NEK10: variants seen among roughly 807,000 people sequenced by gnomAD.
NEK10 encodes serine/threonine-protein kinase Nek10.
In NEK10, 122 loss-of-function variants were observed where a neutral mutation model predicts 159.8. That is an observed-to-expected ratio of 0.76 (90% confidence interval 0.66 to 0.89). The LOEUF (loss-of-function observed/expected upper bound fraction) is 0.89. Among genes scored for constraint, NEK10 ranks in the 40% least tolerant of loss-of-function variants. The probability of loss-of-function intolerance (pLI) is 0.00; values close to 1 mark genes in which losing one functional copy is unlikely to be tolerated. For missense variants in NEK10, 1,342 were observed against 1,323.1 expected (o/e 1.01, Z -0.22); for synonymous variants, 466 against 457.1 (o/e 1.02, Z -0.25).
At chr3:27,238,696 C>T (rs1489848021) in intron 23 of NEK10, among the ~76,000 whole-genome samples, 2 of 150,782 alleles carry the variant, frequency 1.3e-5, no homozygotes, top group African/African-American at 4.9e-5. Context: ...TCAACAAATA[C>T]ATTACTGTAT....
intron 5 of NEK10, among the ~76,000 whole-genome samples, chr3:27,328,571 G>C (rs890672832): frequency 1.3e-5 from 2 of 152,192 alleles, no homozygotes; most frequent in African/African-American, 4.8e-5. Flanking sequence ...CAAAGATAGA[G>C]CAATAGGGAT....
At chr3:27,207,442 A>G (rs991699332) in intron 23 of NEK10, among the ~76,000 whole-genome samples, 1 of 152,220 alleles carries the variant, frequency 6.6e-6, no homozygotes. Flanking sequence ...AGATGTCATA[A>G]AAGAAAATGT....
At chr3:27,218,176 C>G (rs936446201) in intron 23 of NEK10, among the ~76,000 whole-genome samples, 2 of 152,316 alleles carry the variant, frequency 1.3e-5, no homozygotes, top group Admixed American at 6.5e-5. Flanking sequence ...AGGAGCAGGA[C>G]AGTGCAAGAT....
chr3:27,353,955 A>G (rs1043342379), intron 1 of NEK10, among the ~76,000 whole-genome samples: 1 of 152,206 alleles, frequency 6.6e-6, no homozygotes, highest in Non-Finnish European at 1.5e-5. Context: ...AGAATGGAGG[A>G]TCTGCAAGGT....
intron 26 of NEK10, among the ~76,000 whole-genome samples, chr3:27,177,629 T>A (rs1253933459): frequency 1.3e-5 from 2 of 152,174 alleles, no homozygotes; most frequent in East Asian, 3.8e-4. Context: ...ATTTTTGACC[T>A]TGCCATAAAC....
At chr3:27,290,522 T>C in intron 19 of NEK10, 95 bp downstream of exon 19, 1 of 911,644 alleles carries the variant, frequency 1.1e-6, no homozygotes, top group Non-Finnish European at 1.6e-6. Context: ...ATGGAACTAG[T>C]TCATAAGCAG....
chr3:27,264,927 A>C (rs2040760575), intron 22 of NEK10, among the ~76,000 whole-genome samples: 1 of 150,244 alleles, frequency 6.7e-6, no homozygotes, highest in African/African-American at 2.5e-5. Context: ...TAAATAAATA[A>C]ATAAATAAAT....
chr3:27,173,745 C>T (rs1947235615), intron 28 of NEK10, among the ~76,000 whole-genome samples: 1 of 152,030 alleles, frequency 6.6e-6, no homozygotes, highest in Non-Finnish European at 1.5e-5. Context: ...AATATTTTAT[C>T]AACTTACTCT....
chr3:27,247,870 G>C (rs1955245314), intron 23 of NEK10, among the ~76,000 whole-genome samples: 1 of 148,748 alleles, frequency 6.7e-6, no homozygotes, highest in Non-Finnish European at 1.5e-5. Context: ...TTGTATCAGG[G>C]TAATACTGGC....
intron 7 of NEK10, among the ~76,000 whole-genome samples, chr3:27,313,100 C>CAA (rs56742417): frequency 4.4e-5 from 5 of 114,108 alleles, no homozygotes; most frequent in African/African-American, 1.3e-4. Context: ...ACTAAAAATA[C>CAA]AAAAAAAAAA....
At chr3:27,117,509 T>A (rs1360000464) in intron 33 of NEK10, among the ~76,000 whole-genome samples, 1 of 152,212 alleles carries the variant, frequency 6.6e-6, no homozygotes, top group East Asian at 1.9e-4. Context: ...GACATTTAAA[T>A]AATTGCCATT....
rs545270200 is a variant in NEK10 at position 27,287,877 on chromosome 3, A to T, written c.1744-134T>A. 2.8e-5 allele frequency: 28 copies of T among 996,514 alleles called. No individual in the cohort carries two copies. The South Asian group carries it at 6.4e-4, about 23-fold the overall frequency. 61.7% of individuals were successfully genotyped at this position (996,514 alleles called of 1,614,324 possible). ...TATTTACAAAACTAAGCATTTCAAG[A>T]TATCATCGAACTGAGATTGTTGTGA... On this transcript the variant is annotated intron_variant, in intron 19 of 35. Coordinates refer to ENST00000691995, the MANE Select transcript of NEK10 (RefSeq NM_001394966.1).
At chr3:27,322,691 T>C (rs1214998681) in intron 5 of NEK10, among the ~76,000 whole-genome samples, 1 of 152,244 alleles carries the variant, frequency 6.6e-6, no homozygotes, top group Non-Finnish European at 1.5e-5. Flanking sequence ...TGTGCATTAG[T>C]GGAAACAAAA....
chr3:27,273,691 A>G (rs2041550591), intron 22 of NEK10, among the ~76,000 whole-genome samples: 1 of 152,190 alleles, frequency 6.6e-6, no homozygotes, highest in Non-Finnish European at 1.5e-5. Context: ...AACCTCTATA[A>G]TACTAGGCAA....
rs1244195407 is a variant in NEK10, at chr3:27,322,270, A to C, written c.363-9T>G. On this transcript the variant is annotated splice_polypyrimidine_tract_variant and intron_variant, in intron 5 of 35. Transcript: ENST00000691995. ...CTCGATTAACCCACTCTCTGAAAGA[A>C]GAAAACAAGAGAACATGTTCACGTT... 6 of 1,461,796 alleles carry C rather than the reference A, an allele frequency of 4.1e-6. No individual in the cohort carries two copies. Among genetic ancestry groups the C allele is most frequent in the African/African-American group, 1.4e-5 (1 of 71,290 alleles). The allele number at this position is 1,461,796 out of a possible 1,614,324, so 90.6% of individuals were successfully genotyped here. A position where few individuals can be genotyped will look rare whatever the true frequency, so the allele number is the denominator to read the frequency against.
At chr3:27,123,039 A>G (rs113362118) in intron 32 of NEK10, among the ~76,000 whole-genome samples, 3,044 of 152,230 alleles carry the variant, frequency 0.02, 118 homozygotes, top group African/African-American at 0.07. Flanking sequence ...ACTTCCCAGA[A>G]CTACTTTTTG....
intron 29 of NEK10, among the ~76,000 whole-genome samples, chr3:27,170,753 C>T (rs1315706105): frequency 6.6e-6 from 1 of 152,036 alleles, no homozygotes; most frequent in East Asian, 1.9e-4. Context: ...ATACAGAAAC[C>T]ATAAAGTATA....
chr3:27,346,140 CTG>C lies in NEK10; in HGVS notation c.207_208del (p.His69GlnfsTer8). 6.2e-7 allele frequency: 1 copy of C among 1,613,754 alleles called. No individual in the cohort carries two copies. The highest frequency in any genetic ancestry group is 8.5e-7 in the Non-Finnish European group (1 of 1,179,722). ...GGATTCATGCCACTGACCCCGAGCT[CTG>C]TGTCCACCCGCCCTGATGGCGGGCT... On this transcript the variant is annotated frameshift_variant, in exon 4 of 36. Coordinates refer to ENST00000691995, the MANE Select transcript of NEK10 (RefSeq NM_001394966.1). LOFTEE classifies it high-confidence loss of function.
At chr3:27,245,526 C>T (rs1954968413) in intron 23 of NEK10, among the ~76,000 whole-genome samples, 1 of 152,122 alleles carries the variant, frequency 6.6e-6, no homozygotes, top group African/African-American at 2.4e-5. Context: ...GGACTCTAGC[C>T]AAGCATCAAC....
Sources: allele counts gnomAD v4.1 joint callset (sites outside exome capture counted in the v4.1 genomes callset), GRCh38; gene constraint gnomAD v4.1.1; transcripts MANE v1.5; gene names NCBI Gene and HGNC (gene_info 2026-07-23, HGNC 2026-07-21).